RABGAP1L: variants seen among roughly 807,000 people sequenced by gnomAD.
RABGAP1L encodes the protein rab GTPase-activating protein 1-like.
In RABGAP1L, 63 loss-of-function variants were observed where a neutral mutation model predicts 137.7. The observed-to-expected ratio is 0.46, with a 90% CI of 0.37 to 0.56. The LOEUF (loss-of-function observed/expected upper bound fraction) is 0.56, where lower values mean the gene tolerates loss of function less well. RABGAP1L is among the 20% of genes least tolerant of loss of function. The probability of loss-of-function intolerance (pLI) is 0.00; values close to 1 mark genes in which losing one functional copy is unlikely to be tolerated. For missense variants in RABGAP1L, 1,095 were observed against 1,244.0 expected, an observed-to-expected ratio of 0.88 and a Z score of 1.80; for synonymous variants, 431 against 433.7, an observed-to-expected ratio of 0.99 and a Z score of 0.08.
chr1:174,730,526 T>TA (rs1379968570), intron 17 of RABGAP1L, among the ~76,000 whole-genome samples: 5 of 152,306 alleles, frequency 3.3e-5, no homozygotes, highest in African/African-American at 9.6e-5. Context: ...AATTCTAGAG[T>TA]AATTACTTGA....
At chr1:174,848,627 T>C (rs1317793163) in intron 19 of RABGAP1L, among the ~76,000 whole-genome samples, 2 of 144,336 alleles carry the variant, frequency 1.4e-5, no homozygotes, top group Non-Finnish European at 3.1e-5. Context: ...ACTGCTCTCT[T>C]CAAAGCTGTC....
In RABGAP1L at chr1:174,712,443, C is replaced by T. The variant is rs150559009; in HGVS notation, c.2169+10187C>T. On this transcript the variant is annotated intron_variant, in intron 17 of 25. Transcript: ENST00000681986. ...CCACCTTTAAGAACTGTAACACTCA[C>T]CGCGAAGGTCTGCAGCTTCACTTCT... Among the ~76,000 whole-genome samples the T allele has an allele frequency of 9.9e-4, 151 of 152,306 alleles. 1 individual carries two copies. Among genetic ancestry groups the T allele is most frequent in the Admixed American group, 8.5e-3 (130 of 15,306 alleles).
At chr1:174,231,458 TG>T in intron 4 of RABGAP1L, 103 bp downstream of exon 4, 1 of 1,037,780 alleles carries the variant, frequency 9.6e-7, no homozygotes. Context: ...GAACTCACAC[TG>T]TAGACATGCA....
chr1:174,796,864 G>A (rs112716795), intron 18 of RABGAP1L, among the ~76,000 whole-genome samples: 3,687 of 151,944 alleles, frequency 0.024, 148 homozygotes, highest in African/African-American at 0.084. Context: ...AAAGTTAGCC[G>A]GGCATGGTGG....
rs536951519 is a variant in RABGAP1L at position 174,380,241 on chromosome 1, A to G, written c.1559+9169A>G. Among the ~76,000 whole-genome samples, 104 of 152,214 alleles carry G rather than the reference A, an allele frequency of 6.8e-4. 1 individual carries two copies. Among genetic ancestry groups the G allele is most frequent in the African/African-American group, 2.3e-3 (95 of 41,532 alleles). ...CAATGTTCATCAAGTATATTGGTCT[A>G]AAATTCTCTTTTTTGGTTGTGTCTC... On this transcript the variant is annotated intron_variant, in intron 12 of 25. Coordinates refer to ENST00000681986, the MANE Select transcript of RABGAP1L (RefSeq NM_001366446.1).
chr1:174,308,002 G>A (rs1046473396), intron 11 of RABGAP1L, among the ~76,000 whole-genome samples: 4 of 151,842 alleles, frequency 2.6e-5, no homozygotes, highest in East Asian at 1.9e-4. Context: ...GGTAATAGCC[G>A]TTTTAATGGG....
rs201070948 is a variant in RABGAP1L at position 174,343,549 on chromosome 1, A to G, written c.1466-27430A>G. ...GAGGCTTAGCAAGTTTTAAATATTT[A>G]TCGGGCTAATACATTTGATTTTTTA... On this transcript the variant is annotated intron_variant, in intron 11 of 25. Transcript: ENST00000681986. Among the ~76,000 whole-genome samples the G allele has an allele frequency of 5.7e-4, 87 of 152,320 alleles. 2 individuals are homozygous for G. In the East Asian group the frequency reaches 0.014, roughly 25 times the overall value.
rs574630179 is a variant in RABGAP1L at position 174,501,539 on chromosome 1, A to G, written c.1710+107394A>G. On this transcript the variant is annotated intron_variant, in intron 13 of 25. Coordinates refer to ENST00000681986, the MANE Select transcript of RABGAP1L (RefSeq NM_001366446.1). ...CTTTTCTCCTGCTATGCCTTCGTAA[A>G]ATCTCTTAGTTGCATCACTGATGGG... 6.6e-5 allele frequency among the ~76,000 whole-genome samples: 10 copies of G among 152,156 alleles called. No individual in the cohort carries two copies. In the South Asian group the frequency reaches 1.9e-3, roughly 28 times the overall value.
chr1:174,925,958 G>T (rs558624463), intron 19 of RABGAP1L, among the ~76,000 whole-genome samples: 1 of 145,270 alleles, frequency 6.9e-6, no homozygotes, highest in East Asian at 2.1e-4. Context: ...TCTCCTCCCA[G>T]GTTCAAGTGA....
At chr1:174,534,132 CTGTGTGTGTGTGTGTG>C (rs35255973) in intron 13 of RABGAP1L, among the ~76,000 whole-genome samples, 197 of 132,620 alleles carry the variant, frequency 1.5e-3, no homozygotes, top group South Asian at 9.7e-3. Flanking sequence ...GAGGTCAACT[CTGTGTGTGTGTGTGTG>C]TGTGTGTGTG....
At chr1:174,542,619 T>C (rs1665572387) in intron 13 of RABGAP1L, among the ~76,000 whole-genome samples, 1 of 152,200 alleles carries the variant, frequency 6.6e-6, no homozygotes, top group Non-Finnish European at 1.5e-5. Flanking sequence ...TCTTAGTTAT[T>C]TCTTGCCTTC....
At chr1:174,450,429 G>T (rs1174029393) in intron 13 of RABGAP1L, among the ~76,000 whole-genome samples, 3 of 152,034 alleles carry the variant, frequency 2.0e-5, no homozygotes, top group Non-Finnish European at 4.4e-5. Context: ...TGTTTAAGTT[G>T]TCAACATTGG....
intron 11 of RABGAP1L, among the ~76,000 whole-genome samples, chr1:174,350,137 G>T (rs1403775201): frequency 2.9e-5 from 4 of 137,038 alleles, no homozygotes; most frequent in African/African-American, 1.1e-4. Context: ...GGGTGGGGGG[G>T]CTGACCCCCC....
intron 13 of RABGAP1L, among the ~76,000 whole-genome samples, chr1:174,619,120 C>T (rs1403736971): frequency 2.0e-5 from 3 of 152,116 alleles, no homozygotes; most frequent in African/African-American, 2.4e-5. Flanking sequence ...AACAAAGCCT[C>T]CAAGAAATAT....
At chr1:174,708,113 T>C (rs1040538967) in intron 17 of RABGAP1L, among the ~76,000 whole-genome samples, 1 of 152,224 alleles carries the variant, frequency 6.6e-6, no homozygotes, top group Non-Finnish European at 1.5e-5. Flanking sequence ...CAAATTAGAA[T>C]GTATCTTCTG....
intron 23 of RABGAP1L, among the ~76,000 whole-genome samples, chr1:174,979,945 C>T (rs1670950216): frequency 6.6e-6 from 1 of 152,198 alleles, no homozygotes; most frequent in African/African-American, 2.4e-5. Flanking sequence ...TTCTACTTCA[C>T]ATAGGACTCT....
At chr1:174,624,678 A>G (rs1223535055) in intron 13 of RABGAP1L, among the ~76,000 whole-genome samples, 1 of 152,226 alleles carries the variant, frequency 6.6e-6, no homozygotes, top group Non-Finnish European at 1.5e-5. Flanking sequence ...CACTGGAAAC[A>G]TAAAGGTCAG....
chr1:174,889,608 T>G (rs1405228421), intron 19 of RABGAP1L, among the ~76,000 whole-genome samples: 1 of 152,122 alleles, frequency 6.6e-6, no homozygotes, highest in Non-Finnish European at 1.5e-5. Flanking sequence ...TGTTTTTTTT[T>G]GTAGAGATGG....
At chr1:174,618,360 ACC>A (rs1672105869) in intron 13 of RABGAP1L, among the ~76,000 whole-genome samples, 1 of 152,168 alleles carries the variant, frequency 6.6e-6, no homozygotes, top group East Asian at 1.9e-4. Context: ...TGGGTCTCTG[ACC>A]CACGCGTAGC....
Sources: allele counts gnomAD v4.1 joint callset (sites outside exome capture counted in the v4.1 genomes callset), GRCh38; gene constraint gnomAD v4.1.1; transcripts MANE v1.5; gene names NCBI Gene and HGNC (gene_info 2026-07-23, HGNC 2026-07-21).